The following GLRX3 variants were observed in gnomAD, a reference collection of about 807,000 sequenced individuals.
GLRX3 encodes the protein glutaredoxin-3.
Under a neutral mutation model 49.5 loss-of-function variants are expected in GLRX3, and 22 were observed. The ratio of observed to expected loss-of-function variants is 0.44; its 90% CI spans 0.32 to 0.63. The LOEUF is 0.63. GLRX3 is among the 30% of genes least tolerant of loss of function. The pLI is 0.05. For synonymous variants in GLRX3, 133 were observed against 140.0 expected, an observed-to-expected ratio of 0.95 and a Z score of 0.35; for missense variants, 385 against 396.3, an observed-to-expected ratio of 0.97 and a Z score of 0.24.
intron 4 of GLRX3, among the ~76,000 whole-genome samples, chr10:130,165,191 G>T (rs1482094868): frequency 6.6e-6 from 1 of 152,174 alleles, no homozygotes; most frequent in East Asian, 1.9e-4. Context: ...TAGAAATTTT[G>T]AATCTGAAGA....
intron 2 of GLRX3, among the ~76,000 whole-genome samples, chr10:130,146,456 T>C (rs1480896975): frequency 1.3e-5 from 2 of 152,196 alleles, no homozygotes; most frequent in Non-Finnish European, 2.9e-5. Context: ...TCACTCTGGT[T>C]ATGTGTACTC....
intron 2 of GLRX3, among the ~76,000 whole-genome samples, chr10:130,149,389 C>A (rs888801444): frequency 1.3e-5 from 2 of 151,510 alleles, no homozygotes; most frequent in Admixed American, 1.3e-4. Flanking sequence ...TTGCAGTGAC[C>A]CGAGATCGCG....
chr10:130,176,179 G>T (rs987796160), intron 10 of GLRX3, among the ~76,000 whole-genome samples: 24 of 150,996 alleles, frequency 1.6e-4, no homozygotes, highest in African/African-American at 5.6e-4. Context: ...GAGTGCAATG[G>T]TGCAATCTCG....
intron 4 of GLRX3, among the ~76,000 whole-genome samples, chr10:130,163,437 A>G (rs2134907432): frequency 6.6e-6 from 1 of 152,260 alleles, no homozygotes; most frequent in Middle Eastern, 3.4e-3. Context: ...AAAACAAAAC[A>G]CATTTCAGAG....
chr10:130,152,371 C>T (rs187472403), intron 2 of GLRX3, among the ~76,000 whole-genome samples: 588 of 152,192 alleles, frequency 3.9e-3, no homozygotes, highest in Admixed American at 5.8e-3. Flanking sequence ...TAATTTTGCC[C>T]GTTCGTTAAT....
chr10:130,140,131 T>C (rs11017104), intron 1 of GLRX3, among the ~76,000 whole-genome samples: 15,210 of 152,270 alleles, frequency 0.1, 783 homozygotes, highest in Middle Eastern at 0.13. Flanking sequence ...ATTTGCAGAG[T>C]AAGCAGGTTT....
rs142739299 is a variant in GLRX3 at position 130,178,068 on chromosome 10, T to G, written c.958-1274T>G. Among the ~76,000 whole-genome samples the G allele has an allele frequency of 1.3e-4, 20 of 152,232 alleles. No homozygotes were observed. In the East Asian group the frequency reaches 3.9e-3, roughly 29 times the overall value. On this transcript the variant is annotated intron_variant, in intron 10 of 10. Transcript: ENST00000331244. ...TTTGATGCCATGTCTGTTTCTGAATTGTTAGGTCTTTTTAATGGTTTCTGC... is the reference window on the plus strand; with the variant it reads ...TTTGATGCCATGTCTGTTTCTGAATGGTTAGGTCTTTTTAATGGTTTCTGC...
chr10:130,164,589 A>G (rs926780203), intron 4 of GLRX3, among the ~76,000 whole-genome samples: 3 of 152,188 alleles, frequency 2.0e-5, no homozygotes, highest in African/African-American at 7.2e-5. Flanking sequence ...TGTGGCAGTT[A>G]AACATTACTT....
chr10:130,179,293 C>G, intron 10 of GLRX3, 49 bp from the exon 11 acceptor site: 1 of 846,516 alleles, frequency 1.2e-6, no homozygotes, highest in South Asian at 1.6e-5. Flanking sequence ...ATGTTTCCAT[C>G]TTTTTATATA....
intron 2 of GLRX3, among the ~76,000 whole-genome samples, chr10:130,154,974 T>C (rs1170957807): frequency 6.6e-5 from 10 of 152,064 alleles, no homozygotes; most frequent in African/African-American, 2.4e-4. Context: ...AAGAGAGATC[T>C]TTCTTTTTTT....
At chr10:130,159,499 T>TC (rs1198108734) in intron 2 of GLRX3, among the ~76,000 whole-genome samples, 1 of 152,206 alleles carries the variant, frequency 6.6e-6, no homozygotes, top group Non-Finnish European at 1.5e-5. Context: ...TTATCAGACA[T>TC]CAATAGTTTA....
chr10:130,153,933 T>G (rs890764304), intron 2 of GLRX3, among the ~76,000 whole-genome samples: 2 of 152,160 alleles, frequency 1.3e-5, no homozygotes, highest in Non-Finnish European at 1.5e-5. Context: ...CTTGCTGAGC[T>G]GTGGTGGGCT....
At chr10:130,142,263 T>A (rs1447363151) in intron 1 of GLRX3, among the ~76,000 whole-genome samples, 1 of 152,174 alleles carries the variant, frequency 6.6e-6, no homozygotes. Flanking sequence ...TAAATGACCT[T>A]GCTTCCCACC....
intron 2 of GLRX3, among the ~76,000 whole-genome samples, chr10:130,153,048 A>G (rs1199867635): frequency 1.3e-5 from 2 of 152,060 alleles, no homozygotes; most frequent in African/African-American, 4.8e-5. Flanking sequence ...TTATTTCATT[A>G]ATTTGATCTT....
intron 10 of GLRX3, among the ~76,000 whole-genome samples, chr10:130,178,234 G>T (rs558556984): frequency 6.6e-6 from 1 of 152,022 alleles, no homozygotes; most frequent in African/African-American, 2.4e-5. Context: ...GACTTTTAAC[G>T]TCACACTGCT....
intron 2 of GLRX3, among the ~76,000 whole-genome samples, chr10:130,158,903 GT>G (rs1474994916): frequency 6.6e-6 from 1 of 152,098 alleles, no homozygotes; most frequent in East Asian, 1.9e-4. Context: ...AATTAAGGTA[GT>G]AAAAGAGCAC....
chr10:130,153,090 G>A (rs560784013), intron 2 of GLRX3, among the ~76,000 whole-genome samples: 35 of 151,924 alleles, frequency 2.3e-4, no homozygotes, highest in African/African-American at 7.5e-4. Context: ...CCGCTTGATC[G>A]AATCGGCTAT....
chr10:130,150,300 C>G (rs1590061040), intron 2 of GLRX3, among the ~76,000 whole-genome samples: 1 of 151,810 alleles, frequency 6.6e-6, no homozygotes, highest in Admixed American at 6.6e-5. Context: ...GTTCGAATGG[C>G]TCTTGCTTTC....
intron 2 of GLRX3, chr10:130,159,793 C>T (rs1425647839): frequency 7.6e-7 from 1 of 1,314,540 alleles, no homozygotes; most frequent in African/African-American, 1.5e-5. Flanking sequence ...ACCTCTGAAC[C>T]TGTTTTGACA....
Sources: gnomAD v4.1 joint callset for allele counts (sites outside exome capture counted in the v4.1 genomes callset) on GRCh38, gnomAD v4.1.1 for gene constraint, MANE v1.5 for transcripts, NCBI Gene and HGNC (gene_info 2026-07-23, HGNC 2026-07-21) for gene names.